CDK6: variants seen among roughly 807,000 people sequenced by gnomAD.
CDK6 encodes cyclin dependent kinase 6.
A neutral mutation model predicts 37.1 loss-of-function variants in CDK6; 6 were observed. That is an observed-to-expected ratio of 0.16 (90% CI 0.09 to 0.32). The LOEUF is 0.32. Among genes scored for constraint, CDK6 ranks in the 10% least tolerant of loss-of-function variants. The probability of loss-of-function intolerance (pLI) is 1.00; values close to 1 mark genes in which losing one functional copy is unlikely to be tolerated. For missense variants in CDK6, 224 were observed against 418.9 expected (o/e 0.53, Z 4.06); for synonymous variants, 160 against 161.3 (o/e 0.99, Z 0.06).
intron 3 of CDK6, among the ~76,000 whole-genome samples, chr7:92,751,526 CAATT>C (rs1799187308): frequency 6.6e-6 from 1 of 151,956 alleles, no homozygotes; most frequent in South Asian, 2.1e-4. Context: ...AAACAGGTAA[CAATT>C]AACAGAGATC....
At chr7:92,731,707 T>C (rs1412991471) in intron 3 of CDK6, among the ~76,000 whole-genome samples, 4 of 151,612 alleles carry the variant, frequency 2.6e-5, no homozygotes, top group Non-Finnish European at 4.4e-5. Flanking sequence ...CTGGAAGTGA[T>C]GATAATGCTG....
intron 2 of CDK6, among the ~76,000 whole-genome samples, chr7:92,780,919 A>G (rs1228081483): frequency 6.6e-6 from 1 of 152,148 alleles, no homozygotes. Context: ...AATTTTTGCT[A>G]ATCTGTAACC....
At chr7:92,805,560 T>C (rs193031294) in intron 2 of CDK6, among the ~76,000 whole-genome samples, 74 of 152,214 alleles carry the variant, frequency 4.9e-4, no homozygotes, top group Non-Finnish European at 3.8e-4. Flanking sequence ...TAGTTGAAAT[T>C]GGAAAGGATG....
chr7:92,739,150 C>G (rs964268615), intron 3 of CDK6, among the ~76,000 whole-genome samples: 1 of 152,168 alleles, frequency 6.6e-6, no homozygotes, highest in Non-Finnish European at 1.5e-5. Context: ...AAACATTCAC[C>G]ATTTGTTTGT....
chr7:92,694,619 C>T (rs1279124784), intron 4 of CDK6, among the ~76,000 whole-genome samples: 1 of 152,192 alleles, frequency 6.6e-6, no homozygotes, highest in Non-Finnish European at 1.5e-5. Flanking sequence ...ATCAATGTAG[C>T]TACAGGCTAG....
At chr7:92,709,245 G>C (rs558326455) in intron 4 of CDK6, among the ~76,000 whole-genome samples, 1 of 151,784 alleles carries the variant, frequency 6.6e-6, no homozygotes, top group Non-Finnish European at 1.5e-5. Context: ...CTTTTTTTTA[G>C]GGTAAAAAAG....
intron 2 of CDK6, among the ~76,000 whole-genome samples, chr7:92,785,504 T>C (rs1368807104): frequency 1.3e-5 from 2 of 152,192 alleles, no homozygotes; most frequent in African/African-American, 4.8e-5. Flanking sequence ...TATACTGACC[T>C]GAAGTCTTAC....
At chr7:92,704,280 T>C (rs1166991711) in intron 4 of CDK6, among the ~76,000 whole-genome samples, 1 of 152,188 alleles carries the variant, frequency 6.6e-6, no homozygotes, top group Non-Finnish European at 1.5e-5. Flanking sequence ...GCTCAGTGAC[T>C]GGCCAGCAGA....
intron 4 of CDK6, among the ~76,000 whole-genome samples, chr7:92,703,106 T>G (rs186886611): frequency 1.3e-5 from 2 of 152,126 alleles, no homozygotes; most frequent in African/African-American, 4.8e-5. Context: ...AAAACCCAAA[T>G]GAACTCAACA....
intron 5 of CDK6, among the ~76,000 whole-genome samples, chr7:92,628,850 A>G (rs1218255361): frequency 6.6e-6 from 1 of 152,158 alleles, no homozygotes; most frequent in Non-Finnish European, 1.5e-5. Context: ...GAAAACCTTC[A>G]CAGAAGCAGC....
At chr7:92,700,415 G>T (rs184750884) in intron 4 of CDK6, among the ~76,000 whole-genome samples, 335 of 152,318 alleles carry the variant, frequency 2.2e-3, no homozygotes, top group Non-Finnish European at 2.6e-3. Flanking sequence ...AGCAGTAGGA[G>T]AGGAAAGGCA....
At chr7:92,798,908 C>A (rs1800490318) in intron 2 of CDK6, among the ~76,000 whole-genome samples, 1 of 152,202 alleles carries the variant, frequency 6.6e-6, no homozygotes, top group South Asian at 2.1e-4. Context: ...TCATGATTCA[C>A]AGGAAAGTGT....
rs1386126413 is a variant in CDK6, at chr7:92,612,282, T to C, written c.*2858A>G. The C allele has an allele frequency of 4.3e-6, 1 of 233,090 alleles. No homozygotes were observed. Among genetic ancestry groups the C allele is most frequent in the Admixed American group, 5.6e-5 (1 of 17,780 alleles). 14.4% of individuals were successfully genotyped at this position (233,090 alleles called of 1,614,324 possible). A position where few individuals can be genotyped will look rare whatever the true frequency, so the allele number is the denominator to read the frequency against. On this transcript the variant is annotated 3_prime_UTR_variant, in exon 8 of 8. Coordinates refer to ENST00000424848, the MANE Select transcript of CDK6 (RefSeq NM_001145306.2). The stretch of plus-strand genomic sequence containing the variant: ...CACAATATTTTAACTTGCTATGAGC[T>C]GCTTCAGTGTAACCTTGGGGCAATA...
intron 2 of CDK6, among the ~76,000 whole-genome samples, chr7:92,785,095 C>T (rs373300392): frequency 2.0e-5 from 3 of 152,104 alleles, no homozygotes; most frequent in African/African-American, 4.8e-5. Context: ...ATATTCACTG[C>T]GGCATCATTC....
At chr7:92,777,888 T>C (rs1202998517) in intron 2 of CDK6, among the ~76,000 whole-genome samples, 1 of 152,182 alleles carries the variant, frequency 6.6e-6, no homozygotes, top group East Asian at 1.9e-4. Context: ...TCCATTTGTT[T>C]ATGTCCTCTC....
chr7:92,716,269 A>G (rs2116691220), intron 4 of CDK6, among the ~76,000 whole-genome samples: 1 of 152,336 alleles, frequency 6.6e-6, no homozygotes, highest in Middle Eastern at 3.4e-3. Flanking sequence ...AGAATAGTGA[A>G]AAACTGATAA....
intron 4 of CDK6, among the ~76,000 whole-genome samples, chr7:92,706,705 G>A (rs966924894): frequency 1.3e-5 from 2 of 152,120 alleles, no homozygotes; most frequent in African/African-American, 4.8e-5. Flanking sequence ...GGATTTCTGG[G>A]ACTCTGAGAT....
chr7:92,780,393 TG>T (rs1339632961), intron 2 of CDK6, among the ~76,000 whole-genome samples: 1 of 152,158 alleles, frequency 6.6e-6, no homozygotes, highest in Non-Finnish European at 1.5e-5. Context: ...CAATAAGGAA[TG>T]GGGCTAGGCT....
chr7:92,630,867 G>C (rs1394941907), intron 5 of CDK6, among the ~76,000 whole-genome samples: 1 of 152,162 alleles, frequency 6.6e-6, no homozygotes, highest in South Asian at 2.1e-4. Context: ...TGTGGAGACA[G>C]AATAGATGAT....
Sources: gnomAD v4.1 joint callset for allele counts (sites outside exome capture counted in the v4.1 genomes callset) on GRCh38, gnomAD v4.1.1 for gene constraint, MANE v1.5 for transcripts, NCBI Gene and HGNC (gene_info 2026-07-23, HGNC 2026-07-21) for gene names.